SV2C: variants seen among roughly 807,000 people sequenced by gnomAD.
SV2C encodes the protein solute carrier family 22 member B3.
SV2C carries 49 observed loss-of-function variants against 79.7 expected under a neutral mutation model. That is an observed-to-expected ratio of 0.61 (90% CI 0.49 to 0.78). The LOEUF (loss-of-function observed/expected upper bound fraction) is 0.78. Ranked by LOEUF, SV2C falls within the 30% of genes least tolerant of loss-of-function variation. The pLI, the probability that SV2C is intolerant of heterozygous loss-of-function variation, is 0.00. For synonymous variants in SV2C, 334 were observed against 333.2 expected (o/e 1.00, Z -0.03); for missense variants, 833 against 912.9 (o/e 0.91, Z 1.13).
At chr5:75,927,155 A>C in the SV2C span, among the ~76,000 whole-genome samples, 1 of 152,148 alleles carries the variant, frequency 6.6e-6, no homozygotes, top group Non-Finnish European at 1.5e-5. Context: ...CTATAGATTG[A>C]GAGCTGGAAG....
chr5:76,317,559 G>A (rs142382467), intron 12 of SV2C, among the ~76,000 whole-genome samples: 230 of 152,318 alleles, frequency 1.5e-3, no homozygotes, highest in Middle Eastern at 6.8e-3. Context: ...GCCAGGTGCT[G>A]TGGCTCATGC....
intron 1 of SV2C, among the ~76,000 whole-genome samples, chr5:76,119,415 C>T (rs1748405101): frequency 1.3e-5 from 2 of 152,094 alleles, no homozygotes; most frequent in Non-Finnish European, 2.9e-5. Flanking sequence ...GAAGATATAG[C>T]AGTGTGTGGG....
the SV2C span, among the ~76,000 whole-genome samples, chr5:75,947,516 T>A: frequency 6.6e-6 from 1 of 152,004 alleles, no homozygotes; most frequent in Non-Finnish European, 1.5e-5. Flanking sequence ...CTCTGGATGC[T>A]GAGAGATTTC....
At chr5:76,247,519 T>A (rs1176810706) in intron 4 of SV2C, among the ~76,000 whole-genome samples, 3 of 152,244 alleles carry the variant, frequency 2.0e-5, no homozygotes. Flanking sequence ...TCCTGCAACG[T>A]GATTATTTAT....
the SV2C span, among the ~76,000 whole-genome samples, chr5:75,884,099 T>C: frequency 1.3e-5 from 2 of 152,154 alleles, no homozygotes; most frequent in African/African-American, 4.8e-5. Context: ...AGATATACCC[T>C]AGTCTTGGGA....
At chr5:76,096,956 C>T (rs148907235) in intron 1 of SV2C, among the ~76,000 whole-genome samples, 3 of 152,224 alleles carry the variant, frequency 2.0e-5, no homozygotes, top group South Asian at 2.1e-4. Context: ...TTGCATGAGC[C>T]GATTCCTTAT....
chr5:76,309,599 C>CAAAAAAA (rs769865757), intron 12 of SV2C, among the ~76,000 whole-genome samples: 1 of 18,706 alleles, frequency 5.3e-5, no homozygotes, highest in Non-Finnish European at 1.4e-4. Context: ...AACTCCATCT[C>CAAAAAAA]AAAAAAAAAA....
intron 4 of SV2C, among the ~76,000 whole-genome samples, chr5:76,210,101 G>T (rs938567913): frequency 1.3e-5 from 2 of 152,194 alleles, no homozygotes; most frequent in Non-Finnish European, 2.9e-5. Context: ...TGAATGTAAT[G>T]GGGGGAAAAT....
chr5:76,234,172 T>C (rs1338082673), intron 4 of SV2C, among the ~76,000 whole-genome samples: 2 of 152,234 alleles, frequency 1.3e-5, no homozygotes, highest in Non-Finnish European at 2.9e-5. Context: ...AATATTTAAA[T>C]GTGAAGGAAC....
chr5:75,934,298 CTTTCTT>C, the SV2C span, among the ~76,000 whole-genome samples: 3 of 87,586 alleles, frequency 3.4e-5, no homozygotes, highest in African/African-American at 2.0e-4. Flanking sequence ...TTTTTTCTTT[CTTTCTT>C]TTTTTTTTTT....
intron 1 of SV2C, among the ~76,000 whole-genome samples, chr5:76,112,367 G>T (rs1223958295): frequency 6.6e-6 from 1 of 152,204 alleles, no homozygotes; most frequent in Non-Finnish European, 1.5e-5. Context: ...TATTCTCTGG[G>T]GGGAGATAAT....
At chr5:76,084,596 A>G (rs1316218548) in intron 1 of SV2C, among the ~76,000 whole-genome samples, 2 of 141,724 alleles carry the variant, frequency 1.4e-5, no homozygotes, top group African/African-American at 2.6e-5. Context: ...GGGCTGAGCC[A>G]CGGGGGCTAG....
the SV2C span, among the ~76,000 whole-genome samples, chr5:75,948,034 C>T: frequency 2.0e-5 from 3 of 152,006 alleles, no homozygotes; most frequent in South Asian, 2.1e-4. Flanking sequence ...TCAGGAATTT[C>T]TTCCTGGAAG....
chr5:75,934,161 A>G, the SV2C span, among the ~76,000 whole-genome samples: 1 of 152,308 alleles, frequency 6.6e-6, no homozygotes, highest in Admixed American at 6.5e-5. Context: ...ATTCAAACCC[A>G]GATGATCTGA....
intron 1 of SV2C, among the ~76,000 whole-genome samples, chr5:76,119,050 A>T (rs1470453256): frequency 6.6e-6 from 1 of 152,216 alleles, no homozygotes; most frequent in Non-Finnish European, 1.5e-5. Flanking sequence ...TCTGAGTAAG[A>T]CTTCCCATAT....
the SV2C span, among the ~76,000 whole-genome samples, chr5:75,976,176 G>A: frequency 6.6e-6 from 1 of 152,130 alleles, no homozygotes; most frequent in Non-Finnish European, 1.5e-5. Flanking sequence ...TTGTTCAAAA[G>A]CACTGTATCA....
At chr5:75,940,556 C>A in the SV2C span, among the ~76,000 whole-genome samples, 1 of 152,152 alleles carries the variant, frequency 6.6e-6, no homozygotes, top group South Asian at 2.1e-4. Flanking sequence ...AGGCACAATT[C>A]ACAAAGACTC....
the SV2C span, among the ~76,000 whole-genome samples, chr5:75,872,458 G>A: frequency 1.3e-5 from 2 of 152,078 alleles, no homozygotes; most frequent in South Asian, 2.1e-4. Flanking sequence ...ACAACATAGC[G>A]GTGAAAGAAT....
chr5:76,151,035 A>G (rs531245077), intron 2 of SV2C, among the ~76,000 whole-genome samples: 133 of 152,152 alleles, frequency 8.7e-4, no homozygotes, highest in Non-Finnish European at 1.5e-3. Context: ...TGCAAAAGTC[A>G]CTTGTCATCA....
Sources: allele counts gnomAD v4.1 joint callset (sites outside exome capture counted in the v4.1 genomes callset), GRCh38; gene constraint gnomAD v4.1.1; transcripts MANE v1.5; gene names NCBI Gene and HGNC (gene_info 2026-07-23, HGNC 2026-07-21).